VPS8: variants seen among roughly 807,000 people sequenced by gnomAD.
VPS8 encodes the protein VPS8 subunit of CORVET complex.
Under a neutral mutation model 216.4 loss-of-function variants are expected in VPS8, and 129 were observed. The observed-to-expected ratio is 0.60, with a 90% confidence interval of 0.52 to 0.69. The LOEUF (loss-of-function observed/expected upper bound fraction) is 0.69, where lower values mean the gene tolerates loss of function less well. Ranked by LOEUF, VPS8 falls within the 30% of genes least tolerant of loss-of-function variation. The pLI, the probability that VPS8 is intolerant of heterozygous loss-of-function variation, is 0.00. For missense variants in VPS8, 1,531 were observed against 1,683.5 expected (o/e 0.91, Z 1.59); for synonymous variants, 571 against 565.4 (o/e 1.01, Z -0.14).
intron 42 of VPS8, among the ~76,000 whole-genome samples, chr3:184,987,227 C>A (rs982672032): frequency 6.6e-6 from 1 of 152,144 alleles, no homozygotes; most frequent in Non-Finnish European, 1.5e-5. Flanking sequence ...GATTCTCATG[C>A]GTCAGCCTCC....
intron 41 of VPS8, 73 bp from the exon 42 acceptor site, chr3:184,982,939 T>C: frequency 6.7e-6 from 9 of 1,335,644 alleles, no homozygotes; most frequent in Non-Finnish European, 9.0e-6. Flanking sequence ...GCACTGTTTT[T>C]CCACAGACTT....
chr3:185,046,364 A>G (rs970080051), intron 46 of VPS8, among the ~76,000 whole-genome samples: 28 of 152,228 alleles, frequency 1.8e-4, no homozygotes, highest in African/African-American at 6.5e-4. Flanking sequence ...GTAAAAGATA[A>G]AAGCCATGAT....
intron 21 of VPS8, among the ~76,000 whole-genome samples, chr3:184,876,568 C>T (rs759391120): frequency 4.6e-5 from 7 of 152,130 alleles, no homozygotes; most frequent in Non-Finnish European, 7.3e-5. Context: ...GAGTAAGTTG[C>T]CCATTTACAT....
Position 184,879,493 on chromosome 3 carries a change from G to GT in VPS8, c.1735-6616dup, listed in dbSNP as rs149859768. Among the ~76,000 whole-genome samples, 6 of 152,198 alleles carry GT rather than the reference G, an allele frequency of 3.9e-5. No individual in the cohort carries two copies. In the East Asian group the frequency reaches 1.2e-3, roughly 29 times the overall value. Reference sequence around the variant, plus strand: ...TGTCTATCTCGAAAGCCCTTAATCTGTCAGCATCCTGTAGAGAGGCATATG... The same window carrying GT: ...TGTCTATCTCGAAAGCCCTTAATCTGTTCAGCATCCTGTAGAGAGGCATATG... On this transcript the variant is annotated intron_variant, in intron 21 of 47. Transcript: ENST00000625842.
At chr3:184,815,496 A>C (rs1282146346) in intron 1 of VPS8, among the ~76,000 whole-genome samples, 2 of 152,180 alleles carry the variant, frequency 1.3e-5, no homozygotes, top group South Asian at 4.1e-4. Flanking sequence ...TTTGGGGCAC[A>C]TGACTGTATA....
chr3:184,854,296 C>T, intron 13 of VPS8, 123 bp downstream of exon 13: 1 of 1,087,152 alleles, frequency 9.2e-7, no homozygotes, highest in Admixed American at 2.2e-5. Flanking sequence ...AAAGTCAGTG[C>T]TCCAGAGATC....
intron 46 of VPS8, among the ~76,000 whole-genome samples, chr3:185,039,400 G>A (rs1013550417): frequency 2.6e-5 from 4 of 151,954 alleles, no homozygotes; most frequent in Admixed American, 6.5e-5. Flanking sequence ...TTCGGTGGGA[G>A]CCTCAGGCTG....
intron 16 of VPS8, among the ~76,000 whole-genome samples, chr3:184,864,572 C>T (rs909318241): frequency 6.6e-6 from 1 of 152,168 alleles, no homozygotes; most frequent in Non-Finnish European, 1.5e-5. Context: ...GCTTGTTACA[C>T]CAGCTAGAAT....
intron 39 of VPS8, among the ~76,000 whole-genome samples, chr3:184,970,950 G>A (rs1288069704): frequency 1.3e-5 from 2 of 152,204 alleles, no homozygotes; most frequent in African/African-American, 4.8e-5. Context: ...TGTGTGGGGT[G>A]AAGGAGAGGG....
chr3:184,820,766 A>G (rs1214805273), intron 1 of VPS8, among the ~76,000 whole-genome samples: 1 of 152,228 alleles, frequency 6.6e-6, no homozygotes, highest in Non-Finnish European at 1.5e-5. Flanking sequence ...GGAAGGGGAC[A>G]TAGTTGGCTT....
At chr3:184,851,996 T>C (rs934090172) in intron 10 of VPS8, among the ~76,000 whole-genome samples, 1 of 152,196 alleles carries the variant, frequency 6.6e-6, no homozygotes, top group African/African-American at 2.4e-5. Context: ...TAGCACGTTT[T>C]GGGAAGAGTT....
chr3:184,907,648 TTGTC>T (rs1735729947), intron 25 of VPS8, among the ~76,000 whole-genome samples: 2 of 152,226 alleles, frequency 1.3e-5, no homozygotes, highest in Non-Finnish European at 2.9e-5. Flanking sequence ...CTGGGCTTCT[TTGTC>T]TGTTAGGTCT....
intron 41 of VPS8, 41 bp downstream of exon 41, chr3:184,982,688 C>T (rs1264367129): frequency 1.4e-6 from 2 of 1,456,430 alleles, no homozygotes; most frequent in Non-Finnish European, 9.6e-7. Context: ...CCACCTGTAT[C>T]ATCAGTCCAA....
At chr3:184,883,314 G>C (rs148847944) in intron 21 of VPS8, among the ~76,000 whole-genome samples, 113 of 152,204 alleles carry the variant, frequency 7.4e-4, no homozygotes, top group Non-Finnish European at 1.5e-3. Flanking sequence ...TTAGAAATCT[G>C]TAATTCTAAC....
At chr3:184,882,756 A>G (rs771020722) in intron 21 of VPS8, among the ~76,000 whole-genome samples, 2 of 152,110 alleles carry the variant, frequency 1.3e-5, no homozygotes, top group African/African-American at 2.4e-5. Context: ...GGGGTATTCA[A>G]ATGAGCTGTT....
At chr3:184,834,882 G>A in intron 5 of VPS8, 140 bp downstream of exon 5, 1 of 625,636 alleles carries the variant, frequency 1.6e-6, no homozygotes. Context: ...GTTTTTGTGT[G>A]ATGATTTTTG....
chr3:184,854,892 A>T (rs1234794712), intron 13 of VPS8, among the ~76,000 whole-genome samples: 2 of 152,024 alleles, frequency 1.3e-5, no homozygotes, highest in Admixed American at 6.5e-5. Context: ...CAATGTATAT[A>T]TGAGGAGAGG....
intron 25 of VPS8, 26 bp from the exon 26 acceptor site, chr3:184,913,493 T>C (rs1288755574): frequency 7.7e-6 from 12 of 1,562,292 alleles, no homozygotes; most frequent in Non-Finnish European, 1.0e-5. Context: ...AGAAAATTGC[T>C]GAAGATACTT....
At position 184,924,981 on chromosome 3, in the gene VPS8, G is replaced by T; in HGVS notation, c.2574G>T (p.Gln858His). The T allele has an allele frequency of 1.9e-6, 3 of 1,613,120 alleles. No homozygotes were observed. Among genetic ancestry groups the T allele is most frequent in the Non-Finnish European group, 2.5e-6 (3 of 1,179,556 alleles). ...TTGTAAACAGAACACTTTTTGATCA[G>T]GTAAGTGTCTAGCAGTGAAAACTAA... is the stretch of plus-strand genomic sequence containing the variant. ...TLFVNRTLFDQVLEFLCSPDD... is the reference protein window; with the variant it reads ...TLFVNRTLFDHVLEFLCSPDD... The change falls in exon 30 of 48, where the codon CAG (glutamine) becomes CAT (histidine). Residue 858 changes from glutamine (Q) to histidine (H), a missense_variant and splice_region_variant. By Grantham distance (24) the Gln-to-His change is conservative (BLOSUM62 0). This residue lies in a region of VPS8 where 1,318 missense variants were observed against 1,468.4 expected (regional missense o/e 0.90). Transcript: ENST00000625842.
Sources: allele counts gnomAD v4.1 joint callset (sites outside exome capture counted in the v4.1 genomes callset), GRCh38; gene constraint gnomAD v4.1.1; regional missense constraint gnomAD v4.1.1; transcripts MANE v1.5; gene names NCBI Gene and HGNC (gene_info 2026-07-23, HGNC 2026-07-21).